RNGTT: variants seen among roughly 807,000 people sequenced by gnomAD.
The protein encoded by RNGTT is mRNA-capping enzyme.
Under a neutral mutation model 79.3 loss-of-function variants are expected in RNGTT, and 33 were observed. The ratio of observed to expected loss-of-function variants is 0.42; its 90% CI spans 0.32 to 0.56. The LOEUF is 0.56. Ranked by LOEUF, RNGTT falls within the 20% of genes least tolerant of loss-of-function variation. RNGTT has a pLI of 0.17. For synonymous variants in RNGTT, 222 were observed against 235.9 expected, an observed-to-expected ratio of 0.94 and a Z score of 0.54; for missense variants, 497 against 739.1, an observed-to-expected ratio of 0.67 and a Z score of 3.80.
chr6:88,809,189 C>T (rs973104875), intron 11 of RNGTT, among the ~76,000 whole-genome samples: 2 of 151,944 alleles, frequency 1.3e-5, no homozygotes, highest in Admixed American at 6.6e-5. Flanking sequence ...CATCAGGAGT[C>T]TGTAACAATC....
At chr6:88,643,844 T>C (rs1773421490) in intron 14 of RNGTT, among the ~76,000 whole-genome samples, 1 of 152,270 alleles carries the variant, frequency 6.6e-6, no homozygotes, top group Admixed American at 6.5e-5. Context: ...CTGGGACACA[T>C]TTAAAGCGGT....
chr6:88,922,535 T>A (rs1255471248), intron 4 of RNGTT, among the ~76,000 whole-genome samples: 4 of 148,966 alleles, frequency 2.7e-5, no homozygotes, highest in East Asian at 3.9e-4. Flanking sequence ...TAAAAAAAAA[T>A]TTTTTTTTTT....
chr6:88,829,722 A>G (rs1780790935), intron 11 of RNGTT, among the ~76,000 whole-genome samples: 1 of 121,008 alleles, frequency 8.3e-6, no homozygotes, highest in Non-Finnish European at 1.8e-5. Flanking sequence ...AAAAAAAAAA[A>G]AACCAGGGGT....
intron 1 of RNGTT, among the ~76,000 whole-genome samples, chr6:88,959,019 T>C (rs1011659954): frequency 2.0e-5 from 3 of 152,186 alleles, no homozygotes; most frequent in Non-Finnish European, 4.4e-5. Context: ...CATGGAATAC[T>C]ACTCAGCCAT....
chr6:88,884,037 A>T (rs367714558), intron 8 of RNGTT, among the ~76,000 whole-genome samples: 2 of 152,238 alleles, frequency 1.3e-5, no homozygotes, highest in East Asian at 3.8e-4. Flanking sequence ...ATTCTCACAA[A>T]CTGCCTGTGG....
intron 8 of RNGTT, among the ~76,000 whole-genome samples, chr6:88,874,315 C>T (rs537296503): frequency 4.9e-4 from 75 of 151,998 alleles, no homozygotes; most frequent in Non-Finnish European, 8.5e-4. Flanking sequence ...AGCCACTTAA[C>T]GTATTCTGGG....
At chr6:88,826,802 ATATATATATATATATGTGTGTGTATAT>A (rs1780673837) in intron 11 of RNGTT, among the ~76,000 whole-genome samples, 2 of 102,410 alleles carry the variant, frequency 2.0e-5, no homozygotes, top group African/African-American at 8.9e-5. Flanking sequence ...AAAAAAAAAT[ATATATATATATATATGTGTGTGTATAT>A]ATATATATAT....
intron 14 of RNGTT, among the ~76,000 whole-genome samples, chr6:88,629,192 A>C (rs1406528059): frequency 6.6e-6 from 1 of 152,160 alleles, no homozygotes; most frequent in Non-Finnish European, 1.5e-5. Context: ...GGGTCTGTGA[A>C]ATGGGGATTA....
At chr6:88,626,844 A>G (rs1180451397) in intron 14 of RNGTT, among the ~76,000 whole-genome samples, 1 of 152,082 alleles carries the variant, frequency 6.6e-6, no homozygotes, top group African/African-American at 2.4e-5. Context: ...TGGACAAAAC[A>G]AGCAGCTCTG....
intron 14 of RNGTT, among the ~76,000 whole-genome samples, chr6:88,664,208 C>A (rs1341814608): frequency 6.6e-6 from 1 of 152,050 alleles, no homozygotes; most frequent in Non-Finnish European, 1.5e-5. Flanking sequence ...GAGAGGAGCC[C>A]AAAAGGCCAC....
chr6:88,901,629 C>T (rs923944664), intron 6 of RNGTT, among the ~76,000 whole-genome samples: 30 of 150,992 alleles, frequency 2.0e-4, no homozygotes, highest in Non-Finnish European at 2.9e-5. Flanking sequence ...GCCTCAGCCT[C>T]CCAAGTAGCC....
chr6:88,892,845 A>AATTAAT, intron 6 of RNGTT, among the ~76,000 whole-genome samples: 1 of 152,096 alleles, frequency 6.6e-6, no homozygotes, highest in Middle Eastern at 3.2e-3. Context: ...AGAAAAAAAG[A>AATTAAT]ACAATTAATA....
chr6:88,612,575 G>T lies in RNGTT; in HGVS notation c.*144C>A, dbSNP rs568058032. On this transcript the variant is annotated 3_prime_UTR_variant, in exon 16 of 16. Coordinates refer to ENST00000369485, the MANE Select transcript of RNGTT (RefSeq NM_003800.5). ...CATCAAGTATTTACAGGCTGGCTAC[G>T]ATAACTTTCTTTTTTTAAAAAAAAT... The T allele has an allele frequency of 9.1e-6, 8 of 876,950 alleles. No individual in the cohort carries two copies. In the South Asian group the frequency reaches 1.4e-4, roughly 15 times the overall value. 54.3% of individuals were successfully genotyped at this position (876,950 alleles called of 1,614,324 possible). A position where few individuals can be genotyped will look rare whatever the true frequency, so the allele number is the denominator to read the frequency against.
At chr6:88,631,937 G>C (rs1289935803) in intron 14 of RNGTT, among the ~76,000 whole-genome samples, 1 of 152,018 alleles carries the variant, frequency 6.6e-6, no homozygotes, top group Non-Finnish European at 1.5e-5. Context: ...GCTTCTGAAA[G>C]AGTACCAAGT....
intron 13 of RNGTT, among the ~76,000 whole-genome samples, chr6:88,735,297 T>C (rs1777247180): frequency 2.6e-5 from 4 of 152,130 alleles, no homozygotes; most frequent in Admixed American, 2.6e-4. Flanking sequence ...AGTAAAAATG[T>C]TGTTGAGTTG....
intron 14 of RNGTT, among the ~76,000 whole-genome samples, chr6:88,624,649 T>C (rs1772561267): frequency 6.6e-6 from 1 of 151,306 alleles, no homozygotes; most frequent in Non-Finnish European, 1.5e-5. Flanking sequence ...TAAAAGAAAA[T>C]CTTTGTGACC....
At chr6:88,883,878 C>CA (rs1185779650) in intron 8 of RNGTT, among the ~76,000 whole-genome samples, 1 of 152,160 alleles carries the variant, frequency 6.6e-6, no homozygotes, top group South Asian at 2.1e-4. Flanking sequence ...AGATAATTCA[C>CA]AAAAAAGATA....
chr6:88,927,077 GAA>G (rs1029085921), intron 4 of RNGTT, among the ~76,000 whole-genome samples: 1 of 152,054 alleles, frequency 6.6e-6, no homozygotes, highest in South Asian at 2.1e-4. Context: ...AAAATTTGAT[GAA>G]AAAAAGTTTT....
chr6:88,883,056 C>T (rs1251797019), intron 8 of RNGTT, among the ~76,000 whole-genome samples: 2 of 151,294 alleles, frequency 1.3e-5, no homozygotes, highest in African/African-American at 4.9e-5. Context: ...AAGATTTCAG[C>T]TCTAGAAGAC....
Sources: allele counts gnomAD v4.1 joint callset (sites outside exome capture counted in the v4.1 genomes callset), GRCh38; gene constraint gnomAD v4.1.1; transcripts MANE v1.5; gene names NCBI Gene and HGNC (gene_info 2026-07-23, HGNC 2026-07-21).